Variants in VEGFB observed in about 807,000 individuals in gnomAD.
VEGFB encodes the protein vascular endothelial growth factor B.
A neutral mutation model predicts 22.5 loss-of-function variants in VEGFB; 24 were observed. The ratio of observed to expected loss-of-function variants is 1.07; its 90% confidence interval spans 0.77 to 1.50. The LOEUF is 1.50. Among genes scored for constraint, VEGFB ranks in the 40% most tolerant of loss-of-function variants. The pLI is 0.00. For synonymous variants in VEGFB, 141 were observed against 117.4 expected, an observed-to-expected ratio of 1.20 and a Z score of -1.30; for missense variants, 327 against 287.8, an observed-to-expected ratio of 1.14 and a Z score of -0.99.
At chr11:64,236,519 T>C (rs1375114794) in intron 4 of VEGFB, among the ~76,000 whole-genome samples, 192 bp downstream of exon 4, 1 of 150,842 alleles carries the variant, frequency 6.6e-6, no homozygotes, top group Admixed American at 6.6e-5. Context: ...ATCGAGACCA[T>C]CCTGGCTAAC....
chr11:64,235,391 C>T (rs1298774925), intron 1 of VEGFB, 67 bp from the exon 2 acceptor site: 5 of 1,488,292 alleles, frequency 3.4e-6, no homozygotes, highest in East Asian at 2.3e-5. Flanking sequence ...GGCAAAGCCC[C>T]AGGGACGGTG....
At chr11:64,237,297 T>G in intron 5 of VEGFB, 75 bp downstream of exon 5, 1 of 1,527,452 alleles carries the variant, frequency 6.5e-7, no homozygotes, top group Non-Finnish European at 9.1e-7. Context: ...CTCCTCTTTC[T>G]CCTCCCACCC....
In VEGFB at chr11:64,234,843, C is replaced by T; in HGVS notation, c.10C>T (p.Leu4=). Residue 4 remains leucine (L), a synonymous_variant, in exon 1 of 7, where the codon CTG becomes TTG. Coordinates refer to ENST00000309422, the MANE Select transcript of VEGFB (RefSeq NM_003377.5). The surrounding 1 kb of genome is among the most constrained non-coding windows in gnomAD (Gnocchi z 5.3). ...GGCCCCGGCGGGCACCATGAGCCCTCTGCTCCGCCGCCTGCTGCTCGCCGC... is the reference window on the plus strand; with the variant it reads ...GGCCCCGGCGGGCACCATGAGCCCTTTGCTCCGCCGCCTGCTGCTCGCCGC... MSP[L]LRRLLLAALL... 3 of 1,266,732 alleles carry T rather than the reference C, an allele frequency of 2.4e-6. No individual in the cohort carries two copies. The highest frequency in any genetic ancestry group is 2.0e-6 in the Non-Finnish European group (2 of 1,001,866). 78.5% of individuals were successfully genotyped at this position (1,266,732 alleles called of 1,614,324 possible). A position where few individuals can be genotyped will look rare whatever the true frequency, so the allele number is the denominator to read the frequency against.
intron 2 of VEGFB, 105 bp downstream of exon 2, chr11:64,235,605 CTAT>C (rs1437704293): frequency 7.4e-7 from 1 of 1,344,056 alleles, no homozygotes; most frequent in Non-Finnish European, 1.1e-6. Context: ...AAGATTCAAA[CTAT>C]TATTCTACCC....
At position 64,235,887 on chromosome 11, in the gene VEGFB, C is replaced by T; in HGVS notation, c.178C>T (p.Leu60Phe). The change falls in exon 3 of 7, where the codon CTC becomes TTC. Residue 60 changes from leucine (L) to phenylalanine (F), a missense_variant. Coordinates refer to ENST00000309422, the MANE Select transcript of VEGFB (RefSeq NM_003377.5). ...REVVVPLTVE[L>F]MGTVAKQLVP... ...GGTGGTGGTGCCCTTGACTGTGGAG[C>T]TCATGGGCACCGTGGCCAAACAGCT... 1 of 1,613,884 alleles carries T rather than the reference C, an allele frequency of 6.2e-7. No individual in the cohort carries two copies. Among genetic ancestry groups the T allele is most frequent in the Non-Finnish European group, 8.5e-7 (1 of 1,180,006 alleles).
chr11:64,235,705 GGGAGGGCTAGT>G, intron 2 of VEGFB, 97 bp from the exon 3 acceptor site: 1 of 1,385,258 alleles, frequency 7.2e-7, no homozygotes, highest in Non-Finnish European at 1.0e-6. Context: ...GGGCAGAGTG[GGGAGGGCTAGT>G]GGAGGGTGGC....
Position 64,237,401 on chromosome 11 carries a change from T to G in VEGFB, c.411-19T>G. ...AGACTCTTCCTTCCCACCCCAGACATGTCGCTTCTCCTCCCTAGGGCTGCC... is the reference window on the plus strand; with the variant it reads ...AGACTCTTCCTTCCCACCCCAGACAGGTCGCTTCTCCTCCCTAGGGCTGCC... On this transcript the variant is annotated intron_variant, in intron 5 of 6. Coordinates refer to ENST00000309422, the MANE Select transcript of VEGFB (RefSeq NM_003377.5). 6.4e-7 allele frequency: 1 copy of G among 1,570,136 alleles called. No homozygotes were observed. The highest frequency in any genetic ancestry group is 1.1e-5 in the South Asian group (1 of 88,620).
At position 64,234,739 on chromosome 11, in the gene VEGFB, C is replaced by A. The variant is rs1490036475; in HGVS notation, c.-95C>A. 1.7e-5 allele frequency: 7 copies of A among 400,540 alleles called. No homozygotes were observed. Among genetic ancestry groups the A allele is most frequent in the Non-Finnish European group, 2.3e-5 (7 of 298,514 alleles). 24.8% of individuals were successfully genotyped at this position (400,540 alleles called of 1,614,324 possible). A position where few individuals can be genotyped will look rare whatever the true frequency, so the allele number is the denominator to read the frequency against. On this transcript the variant is annotated 5_prime_UTR_variant, in exon 1 of 7. Coordinates refer to ENST00000309422, the MANE Select transcript of VEGFB (RefSeq NM_003377.5). The surrounding 1 kb of genome is among the most constrained non-coding windows in gnomAD (Gnocchi z 5.3). ...GCGCCCGGCCCCCGCCCGCCGCGCC[C>A]GGGCCCGCGCCATGGGGCTCTGGCT...
At chr11:64,235,436 A>G (rs200959560) in intron 1 of VEGFB, 22 bp from the exon 2 acceptor site, 45 of 1,613,116 alleles carry the variant, frequency 2.8e-5, no homozygotes, top group Non-Finnish European at 3.8e-5. Context: ...TACCTTGGGT[A>G]CAGGTCTTTT....
Position 64,237,404 on chromosome 11 carries a change from C to T in VEGFB, c.411-16C>T, listed in dbSNP as rs201942734. On this transcript the variant is annotated splice_polypyrimidine_tract_variant and intron_variant, in intron 5 of 6. Transcript: ENST00000309422. The stretch of plus-strand genomic sequence containing the variant: ...CTCTTCCTTCCCACCCCAGACATGT[C>T]GCTTCTCCTCCCTAGGGCTGCCACT... The T allele has an allele frequency of 7.2e-5, 114 of 1,573,560 alleles. No homozygotes were observed. The highest frequency in any genetic ancestry group is 1.4e-4 in the East Asian group (6 of 44,066).
In VEGFB at chr11:64,236,270, A is replaced by C. The variant is rs187140299; in HGVS notation, c.317A>C (p.Tyr106Ser). The change falls in exon 4 of 7, where the codon TAC becomes TCC. Residue 106 changes from tyrosine (Y) to serine (S), a missense_variant. By Grantham distance (144) the Tyr-to-Ser change is moderately radical (BLOSUM62 -2). Coordinates refer to ENST00000309422, the MANE Select transcript of VEGFB (RefSeq NM_003377.5). ...TGAGCACAGATCCTCATGATCCGGT[A>C]CCCGAGCAGTCAGCTGGGGGAGATG... ...QVRMQILMIRYPSSQLGEMSL... is the reference protein window; with the variant it reads ...QVRMQILMIRSPSSQLGEMSL... 6.2e-7 allele frequency: 1 copy of C among 1,613,886 alleles called. No individual in the cohort carries two copies. The highest frequency in any genetic ancestry group is 2.2e-5 in the East Asian group (1 of 44,870).
In VEGFB at chr11:64,237,220, C is replaced by T. The variant is rs12366035; in HGVS notation, c.408C>T (p.Asp136=). 417,652 of 1,554,184 alleles carry T rather than the reference C, an allele frequency of 0.27. 65,282 individuals are homozygous for T. The highest frequency in any genetic ancestry group is 0.3 in the Non-Finnish European group (339,655 of 1,139,986). The change falls in exon 5 of 7, where the codon GAC becomes GAT. Residue 136 remains aspartate, a splice_region_variant and synonymous_variant. Transcript: ENST00000309422. ...PKKKDSAVKP[D]RAATPHHRPQ... ...AAAAGGACAGTGCTGTGAAGCCAGA[C>T]AGGTGAGTCTTTTGGACTCCAGCTG...
chr11:64,237,127 G>GAGAGAGAGATAT (rs1565318108), intron 4 of VEGFB, 60 bp from the exon 5 acceptor site: 2 of 813,186 alleles, frequency 2.5e-6, no homozygotes, highest in South Asian at 2.2e-5. Flanking sequence ...GAGAGAGTAG[G>GAGAGAGAGATAT]ATGCTGGGAT....
chr11:64,237,736 TAGG>T (rs1199760024), intron 6 of VEGFB, 81 bp downstream of exon 6: 1 of 1,279,100 alleles, frequency 7.8e-7, no homozygotes. Flanking sequence ...AGCCTGCCAG[TAGG>T]AGGAGGGCCA....
chr11:64,237,450 C>G lies in VEGFB; in HGVS notation c.441C>G (p.Pro147=), dbSNP rs2030185556. ...RAATPHHRPQ[P]RSVPGWDSAP... ...CCACTCCCCACCACCGTCCCCAGCC[C>G]CGTTCTGTTCCGGGCTGGGACTCTG... is the stretch of plus-strand genomic sequence containing the variant. Residue 147 remains proline (P), a synonymous_variant, in exon 6 of 7, where the codon CCC becomes CCG. Transcript: ENST00000309422. The G allele has an allele frequency of 1.2e-6, 2 of 1,608,928 alleles. No individual in the cohort carries two copies. The highest frequency in any genetic ancestry group is 1.1e-5 in the South Asian group (1 of 90,908).
rs1947228484 is a variant in VEGFB at position 64,234,787 on chromosome 11, G to A, written c.-47G>A. On this transcript the variant is annotated 5_prime_UTR_variant, in exon 1 of 7. Transcript: ENST00000309422. The surrounding 1 kb of genome is among the most constrained non-coding windows in gnomAD (Gnocchi z 5.3). ...GCTGTCGCCGCCCCCCGCGCCGCCG[G>A]GCTAGGGCGATGCGGGCGCCCCCGG... The A allele has an allele frequency of 1.0e-6, 1 of 1,002,302 alleles. No homozygotes were observed. The highest frequency in any genetic ancestry group is 1.2e-6 in the Non-Finnish European group (1 of 829,718). 62.1% of individuals were successfully genotyped at this position (1,002,302 alleles called of 1,614,324 possible). A position where few individuals can be genotyped will look rare whatever the true frequency, so the allele number is the denominator to read the frequency against.
At chr11:64,236,573 C>T (rs533923502) in intron 4 of VEGFB, among the ~76,000 whole-genome samples, 13 of 151,850 alleles carry the variant, frequency 8.6e-5, no homozygotes, top group East Asian at 3.9e-4. Flanking sequence ...AAAAATTAGC[C>T]GGGCGTGGTG....
rs1054574758 is a variant in VEGFB at position 64,238,498 on chromosome 11, G to A, written c.*165G>A. 7.7e-7 allele frequency: 1 copy of A among 1,291,858 alleles called. No homozygotes were observed. The highest frequency in any genetic ancestry group is 1.5e-5 in the African/African-American group (1 of 67,686). 80.0% of individuals were successfully genotyped at this position (1,291,858 alleles called of 1,614,324 possible). A position where few individuals can be genotyped will look rare whatever the true frequency, so the allele number is the denominator to read the frequency against. On this transcript the variant is annotated 3_prime_UTR_variant, in exon 7 of 7. Transcript: ENST00000309422. ...CAAGACCTCAGCCCAGGCAGAAGCT[G>A]CTCTAGGACCTGGGCCTCTCAGAGG... is the stretch of plus-strand genomic sequence containing the variant.
Position 64,237,238 on chromosome 11 carries a change from T to C in VEGFB, c.410+16T>C. On this transcript the variant is annotated intron_variant, in intron 5 of 6. Transcript: ENST00000309422. ...AGCCAGACAGGTGAGTCTTTTGGAC[T>C]CCAGCTGAGTAGGGGTATGGGGAGT... 1.2e-6 allele frequency: 2 copies of C among 1,607,600 alleles called. No homozygotes were observed. Among genetic ancestry groups the C allele is most frequent in the Non-Finnish European group, 1.7e-6 (2 of 1,174,936 alleles).
Sources: allele counts gnomAD v4.1 joint callset (sites outside exome capture counted in the v4.1 genomes callset), GRCh38; gene constraint gnomAD v4.1.1; non-coding constraint Gnocchi (gnomAD v3.1); transcripts MANE v1.5; gene names NCBI Gene and HGNC (gene_info 2026-07-23, HGNC 2026-07-21).